The following TBCK variants were observed in gnomAD, a reference collection of about 807,000 sequenced individuals.
The protein encoded by TBCK is TBC domain-containing protein kinase-like protein.
TBCK carries 99 observed loss-of-function variants against 113.4 expected under a neutral mutation model. The ratio of observed to expected loss-of-function variants is 0.87; its 90% CI spans 0.74 to 1.03. The LOEUF (loss-of-function observed/expected upper bound fraction) is 1.03. Among genes scored for constraint, TBCK ranks in the 50% least tolerant of loss-of-function variants. The pLI is 0.00. For synonymous variants in TBCK, 369 were observed against 370.8 expected, an observed-to-expected ratio of 1.00 and a Z score of 0.05; for missense variants, 1,045 against 1,061.3, an observed-to-expected ratio of 0.98 and a Z score of 0.21.
chr4:106,120,187 G>A (rs1336754680), intron 23 of TBCK, among the ~76,000 whole-genome samples: 1 of 152,174 alleles, frequency 6.6e-6, no homozygotes, highest in South Asian at 2.1e-4. Flanking sequence ...CCCTTTCCGA[G>A]TCAAAGAAAG....
Position 106,236,568 on chromosome 4 carries a change from C to A in TBCK, c.1221-49G>T, listed in dbSNP as rs201438763. 2.5e-5 allele frequency: 35 copies of A among 1,386,560 alleles called. No homozygotes were observed. The East Asian group carries it at 6.4e-4, about 25-fold the overall frequency. The allele number at this position is 1,386,560 out of a possible 1,614,324, so 85.9% of individuals were successfully genotyped here. A position where few individuals can be genotyped will look rare whatever the true frequency, so the allele number is the denominator to read the frequency against. ...AAAAAAAAAAAATGGACAAAAGGTA[C>A]AAAATTTTCTTTTTTTTTCCTAACT... On this transcript the variant is annotated intron_variant, in intron 13 of 25. Transcript: ENST00000394708.
At chr4:106,182,789 T>C (rs1175850766) in intron 22 of TBCK, among the ~76,000 whole-genome samples, 5 of 152,068 alleles carry the variant, frequency 3.3e-5, no homozygotes, top group African/African-American at 4.8e-5. Context: ...ATGCATATTA[T>C]GAAGCACTCT....
chr4:106,263,199 A>G (rs1334268743), intron 3 of TBCK, among the ~76,000 whole-genome samples: 1 of 151,894 alleles, frequency 6.6e-6, no homozygotes, highest in Non-Finnish European at 1.5e-5. Context: ...AATTTTTCTA[A>G]AATTAAATTA....
At chr4:106,098,474 T>C (rs1741183948) in intron 24 of TBCK, among the ~76,000 whole-genome samples, 1 of 151,998 alleles carries the variant, frequency 6.6e-6, no homozygotes, top group African/African-American at 2.4e-5. Context: ...TTTGGTTAGG[T>C]TTTGGCAAAA....
intron 22 of TBCK, among the ~76,000 whole-genome samples, chr4:106,188,144 T>C (rs1455698530): frequency 1.3e-5 from 2 of 152,190 alleles, no homozygotes; most frequent in African/African-American, 4.8e-5. Flanking sequence ...AAGGGGAATA[T>C]GCATCCAGTT....
At chr4:106,310,727 G>C (rs1378252031) in intron 1 of TBCK, 1 of 152,140 alleles carries the variant, frequency 6.6e-6, no homozygotes, top group Non-Finnish European at 1.5e-5. Context: ...GGAAGCCTTA[G>C]CTCTTAAATA....
chr4:106,089,066 AGGTTTAATT>A (rs1242018482), intron 25 of TBCK, among the ~76,000 whole-genome samples: 1 of 151,456 alleles, frequency 6.6e-6, no homozygotes, highest in East Asian at 1.9e-4. Context: ...GAAATTAAAG[AGGTTTAATT>A]GGCTCATGGT....
At chr4:106,067,933 T>G (rs2149471094) in intron 25 of TBCK, among the ~76,000 whole-genome samples, 1 of 152,224 alleles carries the variant, frequency 6.6e-6, no homozygotes, top group South Asian at 2.1e-4. Context: ...GTCCTCTGAC[T>G]TTGTTCTTTT....
At chr4:106,116,503 T>G in intron 23 of TBCK, 125 bp from the exon 24 acceptor site, 1 of 817,326 alleles carries the variant, frequency 1.2e-6, no homozygotes, top group East Asian at 2.7e-5. Context: ...TATCTAATTT[T>G]CACAGTCTAT....
At chr4:106,078,654 C>A (rs1410766287) in intron 25 of TBCK, among the ~76,000 whole-genome samples, 5 of 150,782 alleles carry the variant, frequency 3.3e-5, no homozygotes, top group Non-Finnish European at 7.4e-5. Context: ...GCCTACCAAC[C>A]AAAAAAAGCC....
At chr4:106,127,482 T>C (rs904655064) in intron 23 of TBCK, among the ~76,000 whole-genome samples, 1 of 152,138 alleles carries the variant, frequency 6.6e-6, no homozygotes, top group Non-Finnish European at 1.5e-5. Flanking sequence ...TTTTTAATCA[T>C]ATTATGAGAA....
intron 20 of TBCK, among the ~76,000 whole-genome samples, chr4:106,205,436 T>C (rs993692109): frequency 6.6e-6 from 1 of 151,828 alleles, no homozygotes; most frequent in African/African-American, 2.4e-5. Context: ...AGACTGTACA[T>C]AGCAACTAGC....
At chr4:106,212,945 G>A (rs1303780006) in intron 19 of TBCK, 110 bp from the exon 20 acceptor site, 2 of 696,812 alleles carry the variant, frequency 2.9e-6, no homozygotes, top group African/African-American at 3.7e-5. Context: ...TTCTCCATGA[G>A]AATACTTTAC....
chr4:106,284,503 T>C (rs1396009488), intron 3 of TBCK, among the ~76,000 whole-genome samples: 1 of 152,152 alleles, frequency 6.6e-6, no homozygotes, highest in Non-Finnish European at 1.5e-5. Context: ...ACTTCTGCAA[T>C]ACTAATGGTA....
chr4:106,061,177 G>A (rs1328830843), intron 25 of TBCK, among the ~76,000 whole-genome samples: 1 of 151,770 alleles, frequency 6.6e-6, no homozygotes, highest in African/African-American at 2.4e-5. Flanking sequence ...GACTTGATTT[G>A]GAAAGAAGTT....
intron 24 of TBCK, among the ~76,000 whole-genome samples, chr4:106,108,242 A>T (rs1398727371): frequency 7.9e-5 from 12 of 152,020 alleles, no homozygotes. Context: ...AGGGACTTAT[A>T]CCTAACTCAT....
intron 23 of TBCK, among the ~76,000 whole-genome samples, chr4:106,119,171 G>A (rs1467689157): frequency 6.6e-6 from 1 of 152,126 alleles, no homozygotes; most frequent in Non-Finnish European, 1.5e-5. Context: ...GATATTGTGT[G>A]TCTATATCAC....
At chr4:106,110,530 C>G (rs766031660) in intron 24 of TBCK, among the ~76,000 whole-genome samples, 1 of 152,098 alleles carries the variant, frequency 6.6e-6, no homozygotes, top group Non-Finnish European at 1.5e-5. Context: ...GGTAGCAGAG[C>G]CTTGGTTTCG....
At chr4:106,316,322 G>A (rs2125915453), upstream of TBCK, 1 of 547,140 alleles carries the variant, frequency 1.8e-6, no homozygotes, top group Non-Finnish European at 3.3e-6. Context: ...GCCACGAAAG[G>A]ACATATAGCG....
Sources: gnomAD v4.1 joint callset for allele counts (sites outside exome capture counted in the v4.1 genomes callset) on GRCh38, gnomAD v4.1.1 for gene constraint, MANE v1.5 for transcripts, NCBI Gene and HGNC (gene_info 2026-07-23, HGNC 2026-07-21) for gene names.